The following SYNDIG1 variants were observed in gnomAD, a reference collection of about 807,000 sequenced individuals.
SYNDIG1 encodes the protein synapse differentiation inducing 1.
Under a neutral mutation model 19.4 loss-of-function variants are expected in SYNDIG1, and 9 were observed. The ratio of observed to expected loss-of-function variants is 0.46; its 90% CI spans 0.28 to 0.81. The LOEUF (loss-of-function observed/expected upper bound fraction) is 0.81, where lower values mean the gene tolerates loss of function less well. Among genes scored for constraint, SYNDIG1 ranks in the 30% least tolerant of loss-of-function variants. The pLI is 0.12. For missense variants in SYNDIG1, 311 were observed against 343.3 expected (o/e 0.91, Z 0.74); for synonymous variants, 141 against 145.9 (o/e 0.97, Z 0.24).
chr20:24,552,041 T>A (rs1162498259), intron 2 of SYNDIG1, among the ~76,000 whole-genome samples: 1 of 152,238 alleles, frequency 6.6e-6, no homozygotes, highest in African/African-American at 2.4e-5. Flanking sequence ...TGCCTAGTTG[T>A]CACAATTAGG....
intron 3 of SYNDIG1, among the ~76,000 whole-genome samples, chr20:24,600,605 CT>C (rs71183379): frequency 0.035 from 4,596 of 130,698 alleles, 103 homozygotes; most frequent in African/African-American, 0.084. Context: ...ATCTTTCTTT[CT>C]TTTTTTTTTT....
chr20:24,511,706 G>A (rs956792142), intron 1 of SYNDIG1, among the ~76,000 whole-genome samples: 1 of 152,078 alleles, frequency 6.6e-6, no homozygotes, highest in Non-Finnish European at 1.5e-5. Flanking sequence ...GATTTCCCTT[G>A]CTTTCCTATG....
At chr20:24,490,491 G>C (rs1600416454) in intron 1 of SYNDIG1, among the ~76,000 whole-genome samples, 1 of 152,168 alleles carries the variant, frequency 6.6e-6, no homozygotes, top group Non-Finnish European at 1.5e-5. Context: ...TGTATCTGGG[G>C]CTCTGCTGCC....
intron 2 of SYNDIG1, among the ~76,000 whole-genome samples, chr20:24,553,943 A>G (rs909021321): frequency 6.6e-6 from 1 of 152,230 alleles, no homozygotes; most frequent in Non-Finnish European, 1.5e-5. Flanking sequence ...ACCCATGAGC[A>G]TGGAATGTTC....
At chr20:24,570,999 G>A (rs1419388393) in intron 2 of SYNDIG1, among the ~76,000 whole-genome samples, 1 of 152,152 alleles carries the variant, frequency 6.6e-6, no homozygotes, top group Admixed American at 6.5e-5. Flanking sequence ...CGAGGGTATT[G>A]TGCCAGTGGA....
intron 1 of SYNDIG1, among the ~76,000 whole-genome samples, chr20:24,486,659 AT>A (rs371963998): frequency 0.02 from 2,941 of 146,052 alleles, 99 homozygotes; most frequent in African/African-American, 0.066. Flanking sequence ...TATTTATTTA[AT>A]TTTTTTTTTG....
At chr20:24,588,856 G>A (rs2058461161) in intron 3 of SYNDIG1, among the ~76,000 whole-genome samples, 1 of 151,428 alleles carries the variant, frequency 6.6e-6, no homozygotes, top group African/African-American at 2.4e-5. Flanking sequence ...TGAGAGATGT[G>A]CCTAAAGCCA....
At chr20:24,562,731 G>T (rs1243329336) in intron 2 of SYNDIG1, among the ~76,000 whole-genome samples, 2 of 152,212 alleles carry the variant, frequency 1.3e-5, no homozygotes, top group South Asian at 2.1e-4. Flanking sequence ...GTGCTTTTCA[G>T]ATCTCTTGAT....
At chr20:24,582,771 G>A (rs2147016131) in intron 2 of SYNDIG1, among the ~76,000 whole-genome samples, 1 of 152,352 alleles carries the variant, frequency 6.6e-6, no homozygotes, top group East Asian at 1.9e-4. Flanking sequence ...ATAAAGAGAA[G>A]AGAAATCTCA....
intron 3 of SYNDIG1, 141 bp from the exon 4 acceptor site, chr20:24,665,205 A>T (rs745959165): frequency 2.8e-5 from 28 of 1,016,304 alleles, no homozygotes; most frequent in Non-Finnish European, 3.4e-5. Flanking sequence ...TGGTCATAGC[A>T]GGGGTGAGCA....
intron 2 of SYNDIG1, among the ~76,000 whole-genome samples, chr20:24,553,938 T>C (rs2057759906): frequency 6.6e-6 from 1 of 152,232 alleles, no homozygotes; most frequent in Admixed American, 6.5e-5. Flanking sequence ...TTCCTACCCA[T>C]GAGCATGGAA....
chr20:24,474,086 C>G (rs921794690), intron 1 of SYNDIG1, among the ~76,000 whole-genome samples: 16 of 152,164 alleles, frequency 1.1e-4, no homozygotes, highest in African/African-American at 3.1e-4. Flanking sequence ...TAAAGATTTA[C>G]AGGAATGGAT....
chr20:24,576,789 C>T (rs1288245133), intron 2 of SYNDIG1, among the ~76,000 whole-genome samples: 2 of 152,152 alleles, frequency 1.3e-5, no homozygotes, highest in African/African-American at 4.8e-5. Flanking sequence ...TCCTCCCCAT[C>T]CCATCTCTCA....
At chr20:24,481,342 C>T (rs2055791333) in intron 1 of SYNDIG1, among the ~76,000 whole-genome samples, 2 of 152,202 alleles carry the variant, frequency 1.3e-5, no homozygotes, top group African/African-American at 4.8e-5. Flanking sequence ...ACTCACATGG[C>T]TGGGGCTGGA....
intron 1 of SYNDIG1, among the ~76,000 whole-genome samples, chr20:24,506,622 G>A (rs2056597584): frequency 6.6e-6 from 1 of 152,208 alleles, no homozygotes; most frequent in African/African-American, 2.4e-5. Context: ...CCCTGCTACT[G>A]GGATGGAACT....
At position 24,601,296 on chromosome 20, in the gene SYNDIG1, T is replaced by G. The variant is rs1323534910; in HGVS notation, c.618+16303T>G. ...ATGTATATTATCCTTTGTGGTAATT[T>G]CTTCATTAAGTTTTGATATCAATGT... On this transcript the variant is annotated intron_variant, in intron 3 of 3. Transcript: ENST00000376862. Among the ~76,000 whole-genome samples, 3 of 152,230 alleles carry G rather than the reference T, an allele frequency of 2.0e-5. No homozygotes were observed. The East Asian group carries it at 5.8e-4, about 29-fold the overall frequency.
intron 3 of SYNDIG1, among the ~76,000 whole-genome samples, chr20:24,600,126 A>G (rs1255000923): frequency 6.6e-6 from 1 of 152,238 alleles, no homozygotes; most frequent in Non-Finnish European, 1.5e-5. Flanking sequence ...TGTCTTCACA[A>G]AAAATATCGA....
chr20:24,507,035 C>A (rs899592091), intron 1 of SYNDIG1, among the ~76,000 whole-genome samples: 2 of 152,228 alleles, frequency 1.3e-5, no homozygotes, highest in Admixed American at 1.3e-4. Context: ...ATGTAGCTTG[C>A]ATGGGAAGTG....
At chr20:24,653,102 T>A (rs1600830870) in intron 3 of SYNDIG1, among the ~76,000 whole-genome samples, 1 of 152,222 alleles carries the variant, frequency 6.6e-6, no homozygotes, top group East Asian at 1.9e-4. Context: ...ACATGTGTGT[T>A]ATGTCACCTC....
Sources: gnomAD v4.1 joint callset for allele counts (sites outside exome capture counted in the v4.1 genomes callset) on GRCh38, gnomAD v4.1.1 for gene constraint, MANE v1.5 for transcripts, NCBI Gene and HGNC (gene_info 2026-07-23, HGNC 2026-07-21) for gene names.